Variants in PIRT observed in about 807,000 individuals in gnomAD.
PIRT encodes phosphoinositide interacting regulator of transient receptor potential channels.
Under a neutral mutation model 7.9 loss-of-function variants are expected in PIRT, and 6 were observed. The ratio of observed to expected loss-of-function variants is 0.76; its 90% CI spans 0.42 to 1.51. The LOEUF is 1.51. PIRT is among the 40% of genes most tolerant of loss of function. The pLI, the probability that PIRT is intolerant of heterozygous loss-of-function variation, is 0.01. For missense variants in PIRT, 170 were observed against 172.9 expected (o/e 0.98, Z 0.09); for synonymous variants, 78 against 71.8 (o/e 1.09, Z -0.44).
chr17:10,825,183 C>T lies in PIRT; in HGVS notation c.*49G>A, dbSNP rs768290268. The T allele has an allele frequency of 2.5e-6, 4 of 1,587,738 alleles. No homozygotes were observed. The highest frequency in any genetic ancestry group is 3.4e-6 in the Non-Finnish European group (4 of 1,164,074). Reference sequence around the variant, plus strand: ...GGAGACAGGGATGTCGGATGTTGGTCATCAGATCTTCTCCCAGTCAAGGTG... The same window carrying T: ...GGAGACAGGGATGTCGGATGTTGGTTATCAGATCTTCTCCCAGTCAAGGTG... On this transcript the variant is annotated 3_prime_UTR_variant, in exon 2 of 2. Transcript: ENST00000580256.
chr17:10,822,944 C>A lies in PIRT; in HGVS notation c.*2288G>T, dbSNP rs746041851. The A allele has an allele frequency of 7.2e-5, 11 of 152,152 alleles. No individual in the cohort carries two copies. The highest frequency in any genetic ancestry group is 1.5e-4 in the Non-Finnish European group (10 of 68,020). 9.4% of individuals were successfully genotyped at this position (152,152 alleles called of 1,614,324 possible). ...TGGACTTCTAGAGTTGTGGTTATCCCTAAACTTCCTTCCACTAAGACATCC... is the reference window on the plus strand; with the variant it reads ...TGGACTTCTAGAGTTGTGGTTATCCATAAACTTCCTTCCACTAAGACATCC... On this transcript the variant is annotated 3_prime_UTR_variant, in exon 2 of 2. Transcript: ENST00000580256.
Position 10,825,247 on chromosome 17 carries a change from G to A in PIRT, c.399C>T (p.Phe133=), listed in dbSNP as rs372866525. Residue 133 remains phenylalanine, a synonymous_variant, in exon 2 of 2, where the codon TTC becomes TTT. Coordinates refer to ENST00000580256, the MANE Select transcript of PIRT (RefSeq NM_001101387.2). ...GAAACCACCATCAGCGAGTCAGGAAGAAGGACTTGAGGCTGCGTAAGAAAT... is the reference window on the plus strand; with the variant it reads ...GAAACCACCATCAGCGAGTCAGGAAAAAGGACTTGAGGCTGCGTAAGAAAT... ...KSNFLRSLKS[F]FLTR is the part of the protein sequence containing the mutation. 7.4e-6 allele frequency: 12 copies of A among 1,613,792 alleles called. No homozygotes were observed. Among genetic ancestry groups the A allele is most frequent in the Non-Finnish European group, 9.3e-6 (11 of 1,179,700 alleles).
At position 10,823,128 on chromosome 17, in the gene PIRT, G is replaced by A. The variant is rs1271736784; in HGVS notation, c.*2104C>T. 1.3e-5 allele frequency: 2 copies of A among 152,220 alleles called. No individual in the cohort carries two copies. Among genetic ancestry groups the A allele is most frequent in the Non-Finnish European group, 2.9e-5 (2 of 68,054 alleles). 9.4% of individuals were successfully genotyped at this position (152,220 alleles called of 1,614,324 possible). On this transcript the variant is annotated 3_prime_UTR_variant, in exon 2 of 2. Coordinates refer to ENST00000580256, the MANE Select transcript of PIRT (RefSeq NM_001101387.2). Reference sequence around the variant, plus strand: ...TAAGAATGCATCGAGGAATGCAAGAGTAATATTATAGGGCCATCAAATCTG... The same window carrying A: ...TAAGAATGCATCGAGGAATGCAAGAATAATATTATAGGGCCATCAAATCTG...
rs980264418 is a variant in PIRT, at chr17:10,826,572, T to C, written c.-138-789A>G. On this transcript the variant is annotated intron_variant, in intron 1 of 1. Transcript: ENST00000580256. Reference sequence around the variant, plus strand: ...TGCATCAAACACTTCCTTTGTTAAATTGAAACCTGACAATAAACCTGTGAA... The same window carrying C: ...TGCATCAAACACTTCCTTTGTTAAACTGAAACCTGACAATAAACCTGTGAA... Among the ~76,000 whole-genome samples, 19 of 152,374 alleles carry C rather than the reference T, an allele frequency of 1.2e-4. 2 individuals are homozygous for C. Among genetic ancestry groups the C allele is most frequent in the Admixed American group, 8.5e-4 (13 of 15,306 alleles).
intron 1 of PIRT, among the ~76,000 whole-genome samples, chr17:10,835,237 C>A (rs1441395074): frequency 6.6e-6 from 1 of 152,196 alleles, no homozygotes; most frequent in East Asian, 1.9e-4. Flanking sequence ...CTGGGGAGGG[C>A]AGGTGCTTTT....
At chr17:10,832,684 A>G (rs189469743) in intron 1 of PIRT, among the ~76,000 whole-genome samples, 28 of 152,352 alleles carry the variant, frequency 1.8e-4, no homozygotes, top group Middle Eastern at 3.4e-3. Context: ...CAATTGTACA[A>G]AGGCACTGGG....
chr17:10,829,028 T>G (rs763685925), intron 1 of PIRT, among the ~76,000 whole-genome samples: 5 of 152,230 alleles, frequency 3.3e-5, no homozygotes, highest in Non-Finnish European at 5.9e-5. Context: ...AGTAGCCATT[T>G]AAAAGGTGAT....
intron 1 of PIRT, among the ~76,000 whole-genome samples, chr17:10,827,155 C>T (rs1208749245): frequency 1.3e-5 from 2 of 152,188 alleles, no homozygotes; most frequent in African/African-American, 4.8e-5. Context: ...CCCTTCCCTA[C>T]CCTCCATGTT....
rs968651429 is a variant in PIRT, at chr17:10,824,117, C to T, written c.*1115G>A. 6.6e-6 allele frequency: 1 copy of T among 152,270 alleles called. No homozygotes were observed. Among genetic ancestry groups the T allele is most frequent in the Non-Finnish European group, 1.5e-5 (1 of 68,082 alleles). 9.4% of individuals were successfully genotyped at this position (152,270 alleles called of 1,614,324 possible). On this transcript the variant is annotated 3_prime_UTR_variant, in exon 2 of 2. Transcript: ENST00000580256. ...ACACCGCCTGTGTTCCCACACCCAC[C>T]CACATTTCGCCAGTTGGCTTGGCTG...
intron 1 of PIRT, among the ~76,000 whole-genome samples, chr17:10,831,338 A>T (rs1057424654): frequency 6.6e-6 from 1 of 152,172 alleles, no homozygotes; most frequent in Non-Finnish European, 1.5e-5. Context: ...TCAGAATGTG[A>T]CCTTATTTGG....
intron 1 of PIRT, among the ~76,000 whole-genome samples, chr17:10,835,503 G>A (rs1905566275): frequency 6.6e-6 from 1 of 152,220 alleles, no homozygotes; most frequent in Non-Finnish European, 1.5e-5. Flanking sequence ...CAGACTCTGT[G>A]TTCAAGTCTA....
At chr17:10,826,481 T>C (rs1905315882) in intron 1 of PIRT, among the ~76,000 whole-genome samples, 1 of 152,250 alleles carries the variant, frequency 6.6e-6, no homozygotes, top group Non-Finnish European at 1.5e-5. Flanking sequence ...ATAAATGATA[T>C]CGTTTGTCTA....
intron 1 of PIRT, among the ~76,000 whole-genome samples, chr17:10,832,693 G>C (rs2151535482): frequency 6.6e-6 from 1 of 152,334 alleles, no homozygotes; most frequent in South Asian, 2.1e-4. Context: ...AAAGGCACTG[G>C]GGATAATTAG....
chr17:10,833,494 A>G (rs966051842), intron 1 of PIRT, among the ~76,000 whole-genome samples: 7 of 152,150 alleles, frequency 4.6e-5, no homozygotes, highest in African/African-American at 7.2e-5. Flanking sequence ...CATACCTGCA[A>G]TCTAATCCTA....
At chr17:10,837,121 C>T (rs374067737) in intron 1 of PIRT, among the ~76,000 whole-genome samples, 1 of 152,330 alleles carries the variant, frequency 6.6e-6, no homozygotes, top group Non-Finnish European at 1.5e-5. Context: ...CTGCTCATAG[C>T]GCTTCTAGGA....
In PIRT at chr17:10,825,354, A is replaced by G. The variant is rs772363015; in HGVS notation, c.292T>C (p.Ser98Pro). 1 of 1,613,988 alleles carries G rather than the reference A, an allele frequency of 6.2e-7. No homozygotes were observed. The highest frequency in any genetic ancestry group is 2.2e-5 in the East Asian group (1 of 44,878). ...CACACCAGCATCATGAGTCCCAGGG[A>G]CAGGAAGCCAGGCCCTACCATTTTG... ...ILKMVGPGFL[S>P]LGLMMLVCGL... The change falls in exon 2 of 2, where the codon TCC (serine) becomes CCC (proline). Residue 98 changes from serine to proline, a missense_variant. Transcript: ENST00000580256.
rs1219386675 is a variant in PIRT, at chr17:10,825,515, G to T, written c.131C>A (p.Thr44Asn). 2.5e-6 allele frequency: 4 copies of T among 1,613,478 alleles called. No homozygotes were observed. The highest frequency in any genetic ancestry group is 1.3e-5 in the African/African-American group (1 of 74,906). ...SSRSESVWTTTPRSNWEIYRK... is the reference protein window; with the variant it reads ...SSRSESVWTTNPRSNWEIYRK... ...GTAGATTTCCCAGTTACTCCTGGGG[G>T]TGGTGGTCCAGACAGACTCGCTCCT... Residue 44 changes from threonine (T) to asparagine (N), a missense_variant, in exon 2 of 2, where the codon ACC (threonine) becomes AAC (asparagine). Coordinates refer to ENST00000580256, the MANE Select transcript of PIRT (RefSeq NM_001101387.2).
At chr17:10,826,260 G>A (rs948861708) in intron 1 of PIRT, among the ~76,000 whole-genome samples, 3 of 152,096 alleles carry the variant, frequency 2.0e-5, no homozygotes, top group Non-Finnish European at 2.9e-5. Flanking sequence ...CACCGCACCC[G>A]GCCAGCTATA....
At chr17:10,835,897 A>G (rs1448219482) in intron 1 of PIRT, among the ~76,000 whole-genome samples, 1 of 148,602 alleles carries the variant, frequency 6.7e-6, no homozygotes, top group Non-Finnish European at 1.5e-5. Flanking sequence ...CAGCCTCCAA[A>G]TCCTGATTTT....
Sources: gnomAD v4.1 joint callset for allele counts (sites outside exome capture counted in the v4.1 genomes callset) on GRCh38, gnomAD v4.1.1 for gene constraint, MANE v1.5 for transcripts, NCBI Gene and HGNC (gene_info 2026-07-23, HGNC 2026-07-21) for gene names.